Variants in REV3L observed in about 807,000 individuals in gnomAD.
The protein encoded by REV3L is REV3 like, DNA directed polymerase zeta catalytic subunit.
A neutral mutation model predicts 299.4 loss-of-function variants in REV3L; 69 were observed. That is an observed-to-expected ratio of 0.23 (90% CI 0.19 to 0.28). The LOEUF is 0.28. Ranked by LOEUF, REV3L falls within the 10% of genes least tolerant of loss-of-function variation. REV3L has a pLI of 1.00. For synonymous variants in REV3L, 1,238 were observed against 1,271.4 expected (o/e 0.97, Z 0.56); for missense variants, 3,128 against 3,693.8 (o/e 0.85, Z 3.97).
rs1326739124 is a variant in REV3L at position 111,304,288 on chromosome 6, A to G, written c.9252+3073T>C. ...GCATGGGAGACATTTAAAACATTCT[A>G]GAAACACTTAAGAAGTACATTTTTT... On this transcript the variant is annotated intron_variant, in intron 31 of 31. Transcript: ENST00000368802. Among the ~76,000 whole-genome samples, 4 of 148,054 alleles carry G rather than the reference A, an allele frequency of 2.7e-5. 1 individual carries two copies. Among genetic ancestry groups the G allele is most frequent in the African/African-American group, 9.8e-5 (4 of 40,648 alleles).
chr6:111,358,816 C>T lies in REV3L; in HGVS notation c.7072+6G>A. On this transcript the variant is annotated splice_donor_region_variant and intron_variant, in intron 17 of 31. Coordinates refer to ENST00000368802, the MANE Select transcript of REV3L (RefSeq NM_001372078.1). ...CAGGTATATCATTAATAAAAATGGA[C>T]AATACCTTGACTGAAAACTGTCTTG... 3 of 1,599,294 alleles carry T rather than the reference C, an allele frequency of 1.9e-6. No individual in the cohort carries two copies. Among genetic ancestry groups the T allele is most frequent in the Non-Finnish European group, 2.6e-6 (3 of 1,169,670 alleles).
At chr6:111,333,008 AT>A in intron 23 of REV3L, 114 bp downstream of exon 23, 1 of 1,221,308 alleles carries the variant, frequency 8.2e-7, no homozygotes, top group Non-Finnish European at 1.1e-6. Context: ...GATACAGTCC[AT>A]TTATCTTGCT....
intron 1 of REV3L, among the ~76,000 whole-genome samples, chr6:111,460,067 C>G (rs1790574843): frequency 6.6e-6 from 1 of 152,108 alleles, no homozygotes; most frequent in African/African-American, 2.4e-5. Context: ...TACATATACA[C>G]CATGGAACAC....
intron 22 of REV3L, 63 bp downstream of exon 22, chr6:111,335,406 A>C: frequency 6.6e-7 from 1 of 1,505,914 alleles, no homozygotes; most frequent in Non-Finnish European, 8.9e-7. Flanking sequence ...AATCACTTCA[A>C]ACATCACAAA....
At chr6:111,382,569 C>A (rs1780938266) in intron 9 of REV3L, among the ~76,000 whole-genome samples, 1 of 152,184 alleles carries the variant, frequency 6.6e-6, no homozygotes, top group South Asian at 2.1e-4. Context: ...GGGAAACTGC[C>A]CATCCCAGCA....
intron 1 of REV3L, among the ~76,000 whole-genome samples, chr6:111,454,782 T>C (rs769210061): frequency 3.3e-5 from 5 of 152,172 alleles, no homozygotes; most frequent in African/African-American, 4.8e-5. Context: ...TTCTCCTGCC[T>C]CAGCCTCCCG....
rs566186251 is a variant in REV3L at position 111,337,800 on chromosome 6, T to C, written c.7539-2190A>G. Among the ~76,000 whole-genome samples, 8 of 152,308 alleles carry C rather than the reference T, an allele frequency of 5.3e-5. No individual in the cohort carries two copies. The East Asian group carries it at 1.2e-3, about 22-fold the overall frequency. ...ACTGCAAAGTGTAAATCTGAAATAA[T>C]GCATTATGTACAAATCAGATCAGTC... On this transcript the variant is annotated intron_variant, in intron 21 of 31. Coordinates refer to ENST00000368802, the MANE Select transcript of REV3L (RefSeq NM_001372078.1).
intron 1 of REV3L, among the ~76,000 whole-genome samples, chr6:111,462,873 A>C (rs1482526046): frequency 1.3e-5 from 2 of 152,180 alleles, no homozygotes. Flanking sequence ...ACACCCCGTT[A>C]GGCCTAACTA....
At chr6:111,427,693 T>C (rs1786349238) in intron 1 of REV3L, among the ~76,000 whole-genome samples, 2 of 152,198 alleles carry the variant, frequency 1.3e-5, no homozygotes, top group Non-Finnish European at 2.9e-5. Flanking sequence ...GGAAAAAGTA[T>C]AACTGAGGTG....
At chr6:111,336,171 T>C (rs1256670703) in intron 21 of REV3L, among the ~76,000 whole-genome samples, 1 of 151,958 alleles carries the variant, frequency 6.6e-6, no homozygotes, top group Non-Finnish European at 1.5e-5. Context: ...TGTTAAAATA[T>C]AAAAGTTCTG....
chr6:111,410,506 G>C (rs1048917433), intron 3 of REV3L, among the ~76,000 whole-genome samples: 2 of 152,232 alleles, frequency 1.3e-5, no homozygotes, highest in African/African-American at 2.4e-5. Flanking sequence ...GTGTGTGAGA[G>C]AATAAGAGTC....
intron 1 of REV3L, among the ~76,000 whole-genome samples, chr6:111,472,714 TTTTTC>T (rs1792385200): frequency 6.6e-6 from 1 of 152,200 alleles, no homozygotes; most frequent in Admixed American, 6.5e-5. Context: ...CAACAAAGTA[TTTTTC>T]ATTTATAAAA....
Position 111,360,217 on chromosome 6 carries a change from A to T in REV3L, c.6880-1203T>A, listed in dbSNP as rs557518769. ...GATCTGTATGTCCTAATATAAAAAG[A>T]TCACTATAATACACTGATACATGGA... On this transcript the variant is annotated intron_variant, in intron 16 of 31. Coordinates refer to ENST00000368802, the MANE Select transcript of REV3L (RefSeq NM_001372078.1). 4.6e-5 allele frequency among the ~76,000 whole-genome samples: 7 copies of T among 152,286 alleles called. No individual in the cohort carries two copies. In the South Asian group the frequency reaches 1.4e-3, roughly 32 times the overall value.
intron 20 of REV3L, among the ~76,000 whole-genome samples, chr6:111,345,381 A>C (rs1323175024): frequency 6.6e-6 from 1 of 152,210 alleles, no homozygotes. Context: ...TCTCCTCTGC[A>C]GTACTAAATT....
At chr6:111,380,537 G>C (rs1395869459) in intron 10 of REV3L, among the ~76,000 whole-genome samples, 1 of 152,192 alleles carries the variant, frequency 6.6e-6, no homozygotes. Flanking sequence ...GGGATTACAG[G>C]CGTGAGCCAC....
intron 27 of REV3L, among the ~76,000 whole-genome samples, chr6:111,313,790 C>T (rs566654140): frequency 1.2e-4 from 19 of 152,256 alleles, no homozygotes; most frequent in African/African-American, 3.6e-4. Flanking sequence ...TTTATTTTTC[C>T]GGATCTATCT....
chr6:111,392,602 A>G (rs1782047296), intron 5 of REV3L: 1 of 227,612 alleles, frequency 4.4e-6, no homozygotes, highest in Admixed American at 5.3e-5. Flanking sequence ...TCAAATTAGA[A>G]TAGATGATGA....
At chr6:111,432,977 A>G (rs752832214) in intron 1 of REV3L, among the ~76,000 whole-genome samples, 22 of 152,226 alleles carry the variant, frequency 1.4e-4, no homozygotes, top group Non-Finnish European at 3.1e-4. Context: ...TAAGAAGGAA[A>G]TTTAAAAATT....
intron 1 of REV3L, among the ~76,000 whole-genome samples, chr6:111,473,339 G>A (rs191954582): frequency 3.8e-4 from 57 of 151,842 alleles, no homozygotes; most frequent in Non-Finnish European, 5.9e-4. Flanking sequence ...GGGATTATAG[G>A]TGCCTGGCCC....
Sources: allele counts gnomAD v4.1 joint callset (sites outside exome capture counted in the v4.1 genomes callset), GRCh38; gene constraint gnomAD v4.1.1; transcripts MANE v1.5; gene names NCBI Gene and HGNC (gene_info 2026-07-23, HGNC 2026-07-21).